Variants in JMJD7 observed in about 807,000 individuals in gnomAD.
JMJD7 encodes jumonji domain containing 7, also known as bifunctional peptidase and (3S)-lysyl hydroxylase JMJD7.
A neutral mutation model predicts 41.1 loss-of-function variants in JMJD7; 41 were observed. That is an observed-to-expected ratio of 1.00 (90% CI 0.78 to 1.30). JMJD7 has a LOEUF of 1.30. Ranked by LOEUF, JMJD7 falls within the 50% of genes most tolerant of loss-of-function variation. The pLI, the probability that JMJD7 is intolerant of heterozygous loss-of-function variation, is 0.00. For synonymous variants in JMJD7, 202 were observed against 177.2 expected (o/e 1.14, Z -1.11); for missense variants, 480 against 420.7 (o/e 1.14, Z -1.23).
chr15:41,836,983 G>T (rs1395557021), intron 7 of JMJD7, 43 bp downstream of exon 7: 8 of 1,609,916 alleles, frequency 5.0e-6, no homozygotes, highest in Non-Finnish European at 6.8e-6. Context: ...CCCTGTCAAG[G>T]TCCAGCAGGG....
In JMJD7 at chr15:41,828,108, C is replaced by A. The variant is rs774018270; in HGVS notation, c.-17C>A. 1 of 1,435,312 alleles carries A rather than the reference C, an allele frequency of 7.0e-7. No individual in the cohort carries two copies. Among genetic ancestry groups the A allele is most frequent in the African/African-American group, 1.5e-5 (1 of 66,916 alleles). 88.9% of individuals were successfully genotyped at this position (1,435,312 alleles called of 1,614,324 possible). A position where few individuals can be genotyped will look rare whatever the true frequency, so the allele number is the denominator to read the frequency against. On this transcript the variant is annotated 5_prime_UTR_variant, in exon 1 of 8. Transcript: ENST00000397299. ...GCGTCGGGGAAAGGCGGGGTCTCGG[C>A]CGGCGCTGACGCAGCCATGGCGGAG...
At chr15:41,833,414 A>ATATATATATATTTTTTTT (rs1239528383) in intron 1 of JMJD7, among the ~76,000 whole-genome samples, 1 of 32,012 alleles carries the variant, frequency 3.1e-5, no homozygotes, top group Non-Finnish European at 6.1e-5. Flanking sequence ...ATATATATAT[A>ATATATATATATTTTTTTT]TTTTTTTTTT....
chr15:41,832,096 T>C (rs972370350), intron 1 of JMJD7, among the ~76,000 whole-genome samples: 2 of 152,230 alleles, frequency 1.3e-5, no homozygotes, highest in African/African-American at 4.8e-5. Context: ...CTGGTCTAGC[T>C]GCAGCCTTGC....
chr15:41,832,582 C>G (rs897957288), intron 1 of JMJD7: 1 of 152,282 alleles, frequency 6.6e-6, no homozygotes, highest in Non-Finnish European at 1.5e-5. Context: ...GATTCCATAT[C>G]TACTGGATGG....
At position 41,836,446 on chromosome 15, in the gene JMJD7, C is replaced by T. The variant is rs557247289; in HGVS notation, c.626-29C>T. The T allele has an allele frequency of 2.6e-6, 4 of 1,563,580 alleles. No homozygotes were observed. The South Asian group carries it at 4.7e-5, about 18-fold the overall frequency. The stretch of plus-strand genomic sequence containing the variant: ...GGCAAGTTCCAGGCTGTTTGCAATT[C>T]CCCCACACCCTTCTCCCTTGGGCTC... On this transcript the variant is annotated intron_variant, in intron 5 of 7. Transcript: ENST00000397299.
At chr15:41,830,590 C>G (rs1048903654) in intron 1 of JMJD7, among the ~76,000 whole-genome samples, 1 of 152,172 alleles carries the variant, frequency 6.6e-6, no homozygotes, top group Non-Finnish European at 1.5e-5. Context: ...GAGCTAGGAG[C>G]AGGCAGGAGC....
chr15:41,832,932 G>A (rs779457997), intron 1 of JMJD7, among the ~76,000 whole-genome samples: 6 of 152,204 alleles, frequency 3.9e-5, no homozygotes, highest in African/African-American at 7.2e-5. Flanking sequence ...CAGTCTGAGT[G>A]AGCAGCTGGA....
At chr15:41,833,055 C>CT (rs2065252056) in intron 1 of JMJD7, among the ~76,000 whole-genome samples, 1 of 152,148 alleles carries the variant, frequency 6.6e-6, no homozygotes, top group Non-Finnish European at 1.5e-5. Flanking sequence ...GCAGCATTCT[C>CT]TAAGGAGCAG....
Position 41,835,187 on chromosome 15 carries a change from C to G in JMJD7, c.436C>G (p.Leu146Val), listed in dbSNP as rs2065292892. The change falls in exon 3 of 8, where the codon CTG (leucine) becomes GTG (valine). Residue 146 changes from leucine (L) to valine (V), a missense_variant. Leu to Val is a conservative substitution (Grantham distance 32). Coordinates refer to ENST00000397299, the MANE Select transcript of JMJD7 (RefSeq NM_001114632.2). ...PSELPQLLPD[L>V]ESHVPWASEA... ...CGAGCTGCCCCAGCTGCTGCCTGAT[C>G]TGGAATCCCATGTGCCCTGGGCCTC... is the stretch of plus-strand genomic sequence containing the variant. The G allele has an allele frequency of 6.2e-7, 1 of 1,601,972 alleles. No homozygotes were observed. The highest frequency in any genetic ancestry group is 8.5e-7 in the Non-Finnish European group (1 of 1,179,892).
In JMJD7 at chr15:41,835,104, G is replaced by T; in HGVS notation, c.353G>T (p.Gly118Val). ...AGCTTCGTGCTGGATGTGCTGGAGG[G>T]CCGGGCCCAGCACCCTGGAGTCCTC... ...PLSFVLDVLE[G>V]RAQHPGVLYV... Residue 118 changes from glycine to valine, a missense_variant, in exon 3 of 8, where the codon GGC (glycine) becomes GTC (valine). Gly to Val is a moderately radical substitution (Grantham distance 109). Coordinates refer to ENST00000397299, the MANE Select transcript of JMJD7 (RefSeq NM_001114632.2). 1 of 1,612,856 alleles carries T rather than the reference G, an allele frequency of 6.2e-7. No homozygotes were observed. Among genetic ancestry groups the T allele is most frequent in the African/African-American group, 1.3e-5 (1 of 75,056 alleles).
At chr15:41,835,679 GC>G (rs1448759378) in intron 4 of JMJD7, 35 bp downstream of exon 4, 1 of 1,600,144 alleles carries the variant, frequency 6.2e-7, no homozygotes, top group East Asian at 2.2e-5. Context: ...TGGGGAAGGA[GC>G]AGGTTGGGGC....
chr15:41,834,145 G>A (rs1282050438), intron 1 of JMJD7, among the ~76,000 whole-genome samples: 5 of 152,220 alleles, frequency 3.3e-5, no homozygotes, highest in Non-Finnish European at 5.9e-5. Flanking sequence ...CCATAGCCGA[G>A]CCCTTCCTTT....
chr15:41,836,184 T>G lies in JMJD7; in HGVS notation c.566T>G (p.Val189Gly). 7 of 1,612,370 alleles carry G rather than the reference T, an allele frequency of 4.3e-6. No homozygotes were observed. Among genetic ancestry groups the G allele is most frequent in the Non-Finnish European group, 5.9e-6 (7 of 1,179,086 alleles). The change falls in exon 5 of 8, where the codon GTC (valine) becomes GGC (glycine). Residue 189 changes from valine (V) to glycine (G), a missense_variant. Transcript: ENST00000397299. The stretch of plus-strand genomic sequence containing the variant: ...CACTATGAGAACCTCTACTGCGTGG[T>G]CTCAGGAGAGAAGCATTTCCTGTTC... ...KDHYENLYCV[V>G]SGEKHFLFHP...
chr15:41,837,450 G>A lies in JMJD7; in HGVS notation c.*294G>A. The A allele has an allele frequency of 2.1e-6, 1 of 479,646 alleles. No individual in the cohort carries two copies. The highest frequency in any genetic ancestry group is 3.7e-6 in the Non-Finnish European group (1 of 268,872). 29.7% of individuals were successfully genotyped at this position (479,646 alleles called of 1,614,324 possible). ...TGTTGGGCGAGTCACTGCGTCTCGG[G>A]CATTGGTGTCCTGTCAGTAAAGAGA... On this transcript the variant is annotated 3_prime_UTR_variant, in exon 8 of 8. Coordinates refer to ENST00000397299, the MANE Select transcript of JMJD7 (RefSeq NM_001114632.2).
At chr15:41,828,388 C>T (rs2065172929) in intron 1 of JMJD7, 200 bp downstream of exon 1, 1 of 570,634 alleles carries the variant, frequency 1.8e-6, no homozygotes, top group Non-Finnish European at 2.7e-6. Flanking sequence ...TCACGTTGTT[C>T]CCAAGGCCCG....
At chr15:41,831,296 G>A (rs2065226879) in intron 1 of JMJD7, among the ~76,000 whole-genome samples, 1 of 152,308 alleles carries the variant, frequency 6.6e-6, no homozygotes, top group African/African-American at 2.4e-5. Flanking sequence ...AAGCAGGCAT[G>A]CCAGCTCTTT....
chr15:41,834,923 C>T, intron 2 of JMJD7, 30 bp downstream of exon 2: 3 of 1,613,506 alleles, frequency 1.9e-6, no homozygotes, highest in African/African-American at 2.7e-5. Context: ...CAGGTGTGAG[C>T]AGTGATTACT....
chr15:41,828,512 TC>T, intron 1 of JMJD7: 1 of 268,250 alleles, frequency 3.7e-6, no homozygotes, highest in Non-Finnish European at 7.0e-6. Flanking sequence ...GTCGGATTCC[TC>T]CCCCACGCGC....
At position 41,837,258 on chromosome 15, in the gene JMJD7, G is replaced by C; in HGVS notation, c.*102G>C. 2 of 761,986 alleles carry C rather than the reference G, an allele frequency of 2.6e-6. No individual in the cohort carries two copies. Among genetic ancestry groups the C allele is most frequent in the Non-Finnish European group, 4.4e-6 (2 of 458,034 alleles). 47.2% of individuals were successfully genotyped at this position (761,986 alleles called of 1,614,324 possible). A position where few individuals can be genotyped will look rare whatever the true frequency, so the allele number is the denominator to read the frequency against. On this transcript the variant is annotated 3_prime_UTR_variant, in exon 8 of 8. Coordinates refer to ENST00000397299, the MANE Select transcript of JMJD7 (RefSeq NM_001114632.2). ...AGAGCCTGGAGTGTGCATGCTGGCTGCTGGCCCCGGGTCCAGCATGGCTTG... is the reference window on the plus strand; with the variant it reads ...AGAGCCTGGAGTGTGCATGCTGGCTCCTGGCCCCGGGTCCAGCATGGCTTG...
Sources: gnomAD v4.1 joint callset for allele counts (sites outside exome capture counted in the v4.1 genomes callset) on GRCh38, gnomAD v4.1.1 for gene constraint, MANE v1.5 for transcripts, NCBI Gene and HGNC (gene_info 2026-07-23, HGNC 2026-07-21) for gene names.